Variants in DNAH12 observed in about 807,000 individuals in gnomAD.
The protein encoded by DNAH12 is axonemal beta dynein heavy chain 12.
Under a neutral mutation model 371.5 loss-of-function variants are expected in DNAH12, and 285 were observed. That is an observed-to-expected ratio of 0.77 (90% CI 0.70 to 0.85). The LOEUF (loss-of-function observed/expected upper bound fraction) is 0.85. Among genes scored for constraint, DNAH12 ranks in the 40% least tolerant of loss-of-function variants. DNAH12 has a pLI of 0.00. For missense variants in DNAH12, 3,611 were observed against 3,689.4 expected (o/e 0.98, Z 0.55); for synonymous variants, 1,200 against 1,213.0 (o/e 0.99, Z 0.22).
Position 57,483,480 on chromosome 3 carries a change from G to A in DNAH12, c.1546C>T (p.His516Tyr), listed in dbSNP as rs769693636. ...GTTGTTTCAGGGACTTTTAATGCAT[G>A]TTCTTTAATTGCTTCAAATTCACTG... is the stretch of plus-strand genomic sequence containing the variant. ...ICSEFEAIKE[H>Y]ALKVPETTEE... Residue 516 changes from histidine to tyrosine, a missense_variant, in exon 13 of 74, where the codon CAT becomes TAT. Physicochemically the swap from His to Tyr is moderately conservative, Grantham distance 83 (BLOSUM62 2). Transcript: ENST00000495027. The A allele has an allele frequency of 5.3e-5, 82 of 1,550,754 alleles. 1 individual carries two copies. The highest frequency in any genetic ancestry group is 7.0e-5 in the Non-Finnish European group (80 of 1,146,754).
chr3:57,387,298 A>G (rs932807236), intron 45 of DNAH12, 79 bp from the exon 46 acceptor site: 1 of 152,212 alleles, frequency 6.6e-6, no homozygotes, highest in African/African-American at 2.4e-5. Flanking sequence ...TTAATGCATA[A>G]TAAGTTACAT....
chr3:57,415,560 G>A lies in DNAH12; in HGVS notation c.5719C>T (p.Leu1907Phe). ...MDLSITYAKP[L>F]LFVGPTGTGK... ...GTACCCGTTGGACCCACAAAAAGGA[G>A]TGGCCTTAATGAAAACAATGAATAT... is the stretch of plus-strand genomic sequence containing the variant. Residue 1907 changes from leucine (L) to phenylalanine (F), a missense_variant, in exon 38 of 74, where the codon CTC becomes TTC. Physicochemically the swap from Leu to Phe is conservative, Grantham distance 22 (BLOSUM62 0). Around this residue, in one of 3 missense-constraint regions of DNAH12, gnomAD observed 2,266 missense variants for 2,236.9 expected, o/e 1.01. Coordinates refer to ENST00000495027, the MANE Select transcript of DNAH12 (RefSeq NM_001366028.2). 1.3e-6 allele frequency: 2 copies of A among 1,533,848 alleles called. No individual in the cohort carries two copies. The highest frequency in any genetic ancestry group is 8.7e-7 in the Non-Finnish European group (1 of 1,143,092).
chr3:57,294,984 CT>C (rs1193577915), intron 73 of DNAH12, among the ~76,000 whole-genome samples: 1 of 151,972 alleles, frequency 6.6e-6, no homozygotes, highest in Admixed American at 6.6e-5. Context: ...AAGAATGAGA[CT>C]TTTTTTTCCA....
chr3:57,390,424 A>AAAAAAAAAAAAAAATATATATAT, intron 45 of DNAH12, among the ~76,000 whole-genome samples: 1 of 33,420 alleles, frequency 3.0e-5, no homozygotes, highest in Non-Finnish European at 7.0e-5. Flanking sequence ...AAAAAAAAAA[A>AAAAAAAAAAAAAAATATATATAT]ATATATATAT....
At chr3:57,523,105 G>A (rs1022776886) in intron 4 of DNAH12, among the ~76,000 whole-genome samples, 9 of 151,928 alleles carry the variant, frequency 5.9e-5, no homozygotes, top group African/African-American at 9.7e-5. Context: ...CATATTGGCC[G>A]GGCACAGTGG....
intron 35 of DNAH12, among the ~76,000 whole-genome samples, chr3:57,422,394 CCAT>C (rs1030330083): frequency 6.6e-6 from 1 of 152,008 alleles, no homozygotes; most frequent in African/African-American, 2.4e-5. Flanking sequence ...CGGGGTTTCA[CCAT>C]GTTAGCCAGG....
intron 62 of DNAH12, among the ~76,000 whole-genome samples, chr3:57,325,039 G>A (rs1236522150): frequency 6.6e-6 from 1 of 152,228 alleles, no homozygotes; most frequent in Non-Finnish European, 1.5e-5. Context: ...CCATTGCCCA[G>A]GCTTGCTTAG....
chr3:57,319,845 A>C (rs1292443590), intron 65 of DNAH12, among the ~76,000 whole-genome samples: 2 of 151,860 alleles, frequency 1.3e-5, no homozygotes, highest in Non-Finnish European at 2.9e-5. Flanking sequence ...TCAGTCTCCC[A>C]AAGTGACAGG....
intron 66 of DNAH12, among the ~76,000 whole-genome samples, chr3:57,312,523 T>C (rs1234226758): frequency 2.0e-5 from 3 of 152,358 alleles, no homozygotes; most frequent in East Asian, 1.9e-4. Context: ...CAGGTGAAGA[T>C]GGCTTAAGGA....
Position 57,352,103 on chromosome 3 carries a change from A to G in DNAH12, c.9656T>C (p.Leu3219Ser). The G allele has an allele frequency of 6.6e-7, 1 of 1,523,118 alleles. No homozygotes were observed. The allele number at this position is 1,523,118 out of a possible 1,614,324, so 94.4% of individuals were successfully genotyped here. ...EKDKLLFSFLLCANLLLARKE... is the reference protein window; with the variant it reads ...EKDKLLFSFLSCANLLLARKE... ...AACTTACAGAAGAAGATTGGCACATAATAAAAAGGAAAATAACAGCTTGTC... is the reference window on the plus strand; with the variant it reads ...AACTTACAGAAGAAGATTGGCACATGATAAAAAGGAAAATAACAGCTTGTC... The change falls in exon 60 of 74, where the codon TTA becomes TCA. Residue 3219 changes from leucine to serine, a missense_variant. By Grantham distance (145) the Leu-to-Ser change is moderately radical. This residue lies in a region of DNAH12 where 2,266 missense variants were observed against 2,236.9 expected (regional missense o/e 1.01). Coordinates refer to ENST00000495027, the MANE Select transcript of DNAH12 (RefSeq NM_001366028.2).
rs751729037 is a variant in DNAH12 at position 57,309,699 on chromosome 3, A to G, written c.11052T>C (p.Ile3684=). The part of the protein sequence containing the change: ...QTGASGSTDQ[I]LLEITKDILN... ...GGATATCTTTGGTAATTTCTAACAG[A>G]ATCTGATCAGTACTTCCTGAGGCTC... The change falls in exon 68 of 74, where the codon ATT becomes ATC. Residue 3684 remains isoleucine (I), a synonymous_variant. Coordinates refer to ENST00000495027, the MANE Select transcript of DNAH12 (RefSeq NM_001366028.2). The G allele has an allele frequency of 1.9e-6, 3 of 1,538,960 alleles. No homozygotes were observed. The highest frequency in any genetic ancestry group is 8.7e-7 in the Non-Finnish European group (1 of 1,143,396).
intron 23 of DNAH12, among the ~76,000 whole-genome samples, chr3:57,453,606 T>G (rs1028901710): frequency 6.6e-6 from 1 of 151,826 alleles, no homozygotes; most frequent in African/African-American, 2.4e-5. Flanking sequence ...TTTTTGAGAC[T>G]GAGTCTCTGT....
chr3:57,555,541 TAA>T, the DNAH12 span, among the ~76,000 whole-genome samples: 2 of 152,132 alleles, frequency 1.3e-5, no homozygotes, highest in African/African-American at 4.8e-5. Context: ...CTGTCTCTAA[TAA>T]AAAATAACAA....
At chr3:57,460,807 C>T (rs1406513186) in intron 19 of DNAH12, among the ~76,000 whole-genome samples, 2 of 152,150 alleles carry the variant, frequency 1.3e-5, no homozygotes, top group African/African-American at 4.8e-5. Flanking sequence ...AGAAAAATTG[C>T]CTATCCTCCT....
In DNAH12 at chr3:57,470,434, A is replaced by T. The variant is rs2066333062; in HGVS notation, c.2105+9T>A. 1 of 1,497,806 alleles carries T rather than the reference A, an allele frequency of 6.7e-7. No individual in the cohort carries two copies. Among genetic ancestry groups the T allele is most frequent in the African/African-American group, 1.4e-5 (1 of 70,280 alleles). The allele number at this position is 1,497,806 out of a possible 1,614,324, so 92.8% of individuals were successfully genotyped here. The stretch of plus-strand genomic sequence containing the variant: ...TTTGCTTGATTTTTATTACATTACC[A>T]GCAATTACCGTTTTTCTGATCGCTG... On this transcript the variant is annotated intron_variant, in intron 16 of 73. Coordinates refer to ENST00000495027, the MANE Select transcript of DNAH12 (RefSeq NM_001366028.2).
At chr3:57,392,990 T>TTTG (rs1168007044) in intron 44 of DNAH12, among the ~76,000 whole-genome samples, 3 of 152,238 alleles carry the variant, frequency 2.0e-5, no homozygotes, top group African/African-American at 4.8e-5. Flanking sequence ...AACATGGGTT[T>TTTG]TTGTTGTTGT....
intron 2 of DNAH12, among the ~76,000 whole-genome samples, chr3:57,534,281 C>T (rs978059908): frequency 6.6e-6 from 1 of 152,140 alleles, no homozygotes; most frequent in African/African-American, 2.4e-5. Flanking sequence ...TTCCTGCCCT[C>T]TTCAGTGCCT....
intron 59 of DNAH12, among the ~76,000 whole-genome samples, chr3:57,354,697 C>T (rs1206224171): frequency 1.3e-5 from 2 of 152,192 alleles, no homozygotes; most frequent in Admixed American, 1.3e-4. Context: ...ATAGTAACCC[C>T]AAACTGGAAG....
chr3:57,355,803 T>A (rs2062784101), intron 59 of DNAH12, among the ~76,000 whole-genome samples: 2 of 152,208 alleles, frequency 1.3e-5, no homozygotes, highest in East Asian at 1.9e-4. Context: ...CAGAGGTTAT[T>A]CTACCAAGAG....
Sources: gnomAD v4.1 joint callset for allele counts (sites outside exome capture counted in the v4.1 genomes callset) on GRCh38, gnomAD v4.1.1 for gene constraint, gnomAD v4.1.1 regional missense constraint, MANE v1.5 for transcripts, NCBI Gene and HGNC (gene_info 2026-07-23, HGNC 2026-07-21) for gene names.